The following PCDHGA1 variants were observed in gnomAD, a reference collection of about 807,000 sequenced individuals.
PCDHGA1 encodes the protein protocadherin gamma subfamily A, 1, also known as protocadherin gamma-A1.
A neutral mutation model predicts 58.0 loss-of-function variants in PCDHGA1; 32 were observed. That is an observed-to-expected ratio of 0.55 (90% CI 0.42 to 0.74). The LOEUF (loss-of-function observed/expected upper bound fraction) is 0.74. Among genes scored for constraint, PCDHGA1 ranks in the 30% least tolerant of loss-of-function variants. PCDHGA1 has a pLI of 0.00. For missense variants in PCDHGA1, 1,205 were observed against 1,182.3 expected (o/e 1.02, Z -0.28); for synonymous variants, 498 against 501.1 (o/e 0.99, Z 0.08).
Position 141,334,888 on chromosome 5 carries a change from T to C in PCDHGA1, c.2421+1783T>C. The stretch of plus-strand genomic sequence containing the variant: ...CCCAGGAGGGAAGGAGAGAGGGATA[T>C]AGTGTAGAAGAGAAAAAAACAAACT... On this transcript the variant is annotated intron_variant, in intron 1 of 3. Coordinates refer to ENST00000517417, the MANE Select transcript of PCDHGA1 (RefSeq NM_018912.3). This position sits in a 1 kb window ranked among gnomAD's most constrained non-coding sequence, Gnocchi z 4.6. 6.6e-6 allele frequency among the ~76,000 whole-genome samples: 1 copy of C among 152,122 alleles called. No individual in the cohort carries two copies. The highest frequency in any genetic ancestry group is 1.9e-4 in the East Asian group (1 of 5,190).
chr5:141,484,709 C>G (rs1223957454), intron 1 of PCDHGA1, among the ~76,000 whole-genome samples: 1 of 151,072 alleles, frequency 6.6e-6, no homozygotes, highest in Non-Finnish European at 1.5e-5. Context: ...TTTTCCCCGC[C>G]GAAAAGGGGC....
In PCDHGA1 at chr5:141,430,950, T is replaced by A. The variant is rs756423770; in HGVS notation, c.2422-63857T>A. 7 of 1,609,862 alleles carry A rather than the reference T, an allele frequency of 4.3e-6. No individual in the cohort carries two copies. Among genetic ancestry groups the A allele is most frequent in the Non-Finnish European group, 5.1e-6 (6 of 1,178,368 alleles). On this transcript the variant is annotated intron_variant, in intron 1 of 3. Transcript: ENST00000517417. ...CCCCGGGAGCTCGCGGAGCGCGGAG[T>A]CCGCATCATCCCCAGAGGTAGGACG... is the stretch of plus-strand genomic sequence containing the variant.
chr5:141,393,051 C>G, intron 1 of PCDHGA1: 1 of 1,613,622 alleles, frequency 6.2e-7, no homozygotes, highest in South Asian at 1.1e-5. Flanking sequence ...TCTGAACCCG[C>G]GCAGCGGCAG....
intron 1 of PCDHGA1, chr5:141,361,769 A>G: frequency 1.2e-6 from 2 of 1,613,144 alleles, no homozygotes; most frequent in Middle Eastern, 1.7e-4. Context: ...CTCAGCGCCA[A>G]CGTGAGCCTG....
chr5:141,399,832 G>A, intron 1 of PCDHGA1: 1 of 1,613,152 alleles, frequency 6.2e-7, no homozygotes, highest in African/African-American at 1.3e-5. Flanking sequence ...CGACGGCTCT[G>A]CGCTCTTCGA....
chr5:141,441,739 C>T, intron 1 of PCDHGA1: 1 of 365,272 alleles, frequency 2.7e-6, no homozygotes, highest in South Asian at 2.2e-5. Context: ...GACTAGCTCG[C>T]GCTCGGCGTC....
In PCDHGA1 at chr5:141,505,471, G is replaced by A. The variant is rs766596231; in HGVS notation, c.2559G>A (p.Ala853=). The A allele has an allele frequency of 3.4e-5, 55 of 1,614,244 alleles. No individual in the cohort carries two copies. The highest frequency in any genetic ancestry group is 1.1e-4 in the East Asian group (5 of 44,880). ...AGATGCTGCAAGCCATGATCTTGGCGTCCGCCAGTGGTAAGTGGTGTCAGT... is the reference window on the plus strand; with the variant it reads ...AGATGCTGCAAGCCATGATCTTGGCATCCGCCAGTGGTAAGTGGTGTCAGT... ...DTEMLQAMIL[A]SASEAADGSS... Residue 853 remains alanine (A), a synonymous_variant, in exon 3 of 4, where the codon GCG becomes GCA. Coordinates refer to ENST00000517417, the MANE Select transcript of PCDHGA1 (RefSeq NM_018912.3).
chr5:141,505,277 G>A, intron 2 of PCDHGA1, 116 bp from the exon 3 acceptor site: 1 of 1,539,958 alleles, frequency 6.5e-7, no homozygotes, highest in African/African-American at 1.4e-5. Context: ...AGAGAAACAG[G>A]TCTTGGGCAT....
intron 1 of PCDHGA1, chr5:141,393,065 G>C (rs980151183): frequency 6.2e-7 from 1 of 1,613,646 alleles, no homozygotes; most frequent in African/African-American, 1.3e-5. Context: ...GCGGCAGCTT[G>C]ATCACCGCGG....
intron 1 of PCDHGA1, among the ~76,000 whole-genome samples, chr5:141,464,901 G>A (rs1562002452): frequency 6.6e-6 from 1 of 151,916 alleles, no homozygotes; most frequent in Non-Finnish European, 1.5e-5. Context: ...ACCATGTCCA[G>A]CTAATTTTTT....
At chr5:141,375,253 C>T in intron 1 of PCDHGA1, 1 of 1,613,916 alleles carries the variant, frequency 6.2e-7, no homozygotes, top group East Asian at 2.2e-5. Flanking sequence ...CGAGAAGTCT[C>T]CCATTTGAAT....
chr5:141,408,889 A>G, intron 1 of PCDHGA1: 1 of 1,613,232 alleles, frequency 6.2e-7, no homozygotes, highest in Non-Finnish European at 8.5e-7. Flanking sequence ...CTCACATAGA[A>G]ATTTCTGTCA....
At chr5:141,438,362 T>C (rs1471364176) in intron 1 of PCDHGA1, among the ~76,000 whole-genome samples, 1 of 151,850 alleles carries the variant, frequency 6.6e-6, no homozygotes, top group East Asian at 1.9e-4. Flanking sequence ...TGTATTGTCA[T>C]TGAGGGCAGA....
rs535024997 is a variant in PCDHGA1, at chr5:141,371,494, C to T, written c.2421+38389C>T. ...GATGCTGAGCTGGGGACTGCCGTTG[C>T]CCTGATCAAAACACATGATCTAGAT... On this transcript the variant is annotated intron_variant, in intron 1 of 3. Coordinates refer to ENST00000517417, the MANE Select transcript of PCDHGA1 (RefSeq NM_018912.3). The T allele has an allele frequency of 2.5e-6, 4 of 1,613,888 alleles. No individual in the cohort carries two copies. In the Admixed American group the frequency reaches 5.0e-5, roughly 20 times the overall value.
intron 1 of PCDHGA1, among the ~76,000 whole-genome samples, chr5:141,368,609 A>T (rs917384420): frequency 1.3e-5 from 2 of 152,154 alleles, no homozygotes; most frequent in African/African-American, 4.8e-5. Context: ...AAGGTTATAG[A>T]TTTGGGTACA....
Position 141,462,070 on chromosome 5 carries a change from G to A in PCDHGA1, c.2422-32737G>A, listed in dbSNP as rs572217894. Among the ~76,000 whole-genome samples the A allele has an allele frequency of 2.6e-5, 4 of 152,196 alleles. No homozygotes were observed. In the East Asian group the frequency reaches 7.7e-4, roughly 29 times the overall value. Reference sequence around the variant, plus strand: ...ACTCCCGACCTCAGGTGATCTGCCCGCCTTGGCCTCCCAAAATGCTGGGAT... The same window carrying A: ...ACTCCCGACCTCAGGTGATCTGCCCACCTTGGCCTCCCAAAATGCTGGGAT... On this transcript the variant is annotated intron_variant, in intron 1 of 3. Transcript: ENST00000517417.
intron 1 of PCDHGA1, chr5:141,357,463 C>G: frequency 6.2e-7 from 1 of 1,614,216 alleles, no homozygotes; most frequent in East Asian, 2.2e-5. Context: ...GACCTATTCC[C>G]ACGAGGTCTC....
intron 1 of PCDHGA1, chr5:141,419,929 T>C: frequency 6.2e-7 from 1 of 1,614,076 alleles, no homozygotes; most frequent in Non-Finnish European, 8.5e-7. Context: ...AGATGCAGTT[T>C]TACCTGGTGG....
intron 1 of PCDHGA1, chr5:141,346,324 G>T: frequency 6.2e-7 from 1 of 1,614,166 alleles, no homozygotes; most frequent in South Asian, 1.1e-5. Context: ...GCGGACTCGC[G>T]GAAGAGCCAC....
Sources: allele counts gnomAD v4.1 joint callset (sites outside exome capture counted in the v4.1 genomes callset), GRCh38; gene constraint gnomAD v4.1.1; non-coding constraint Gnocchi (gnomAD v3.1); transcripts MANE v1.5; gene names NCBI Gene and HGNC (gene_info 2026-07-23, HGNC 2026-07-21).